STIM2: variants seen among roughly 807,000 people sequenced by gnomAD.
STIM2 encodes stromal interaction molecule 2.
A neutral mutation model predicts 85.8 loss-of-function variants in STIM2; 31 were observed. That is an observed-to-expected ratio of 0.36 (90% CI 0.27 to 0.49). The LOEUF is 0.49. Among genes scored for constraint, STIM2 ranks in the 20% least tolerant of loss-of-function variants. The pLI, the probability that STIM2 is intolerant of heterozygous loss-of-function variation, is 0.98. For synonymous variants in STIM2, 356 were observed against 331.1 expected (o/e 1.08, Z -0.82); for missense variants, 841 against 927.6 (o/e 0.91, Z 1.21).
intron 3 of STIM2, among the ~76,000 whole-genome samples, chr4:26,993,413 T>A (rs1418869907): frequency 6.6e-6 from 1 of 152,144 alleles, no homozygotes; most frequent in Admixed American, 6.6e-5. Flanking sequence ...TTTTAAATGT[T>A]TTTGGTTTTT....
chr4:26,863,353 A>G (rs1291799931), intron 1 of STIM2, among the ~76,000 whole-genome samples: 1 of 152,196 alleles, frequency 6.6e-6, no homozygotes, highest in Non-Finnish European at 1.5e-5. Flanking sequence ...GTTTCCACTT[A>G]AAGTTTAAAT....
At chr4:26,952,112 C>T (rs112836195) in intron 2 of STIM2, among the ~76,000 whole-genome samples, 30,777 of 152,008 alleles carry the variant, frequency 0.2, 3,264 homozygotes, top group East Asian at 0.41. Flanking sequence ...TATCTCCCAC[C>T]GGGTCCCTCC....
Position 27,006,851 on chromosome 4 carries a change from G to T in STIM2, c.982-682G>T, listed in dbSNP as rs190494107. Among the ~76,000 whole-genome samples the T allele has an allele frequency of 8.0e-4, 122 of 152,308 alleles. 2 individuals are homozygous for T. The highest frequency in any genetic ancestry group is 2.8e-3 in the African/African-American group (118 of 41,564). On this transcript the variant is annotated intron_variant, in intron 7 of 11. Transcript: ENST00000467087. Reference sequence around the variant, plus strand: ...TCTCAAAATCTGTACATGCTCTGCAGATGTTCACTTAGCTAGTTTCTGGTG... The same window carrying T: ...TCTCAAAATCTGTACATGCTCTGCATATGTTCACTTAGCTAGTTTCTGGTG...
intron 1 of STIM2, among the ~76,000 whole-genome samples, chr4:26,884,733 T>C (rs1480298396): frequency 1.3e-5 from 2 of 152,256 alleles, no homozygotes; most frequent in Non-Finnish European, 2.9e-5. Flanking sequence ...CAGCCATTTA[T>C]TGAGTACTTA....
intron 1 of STIM2, among the ~76,000 whole-genome samples, chr4:26,893,702 C>T (rs915426938): frequency 3.9e-5 from 6 of 152,038 alleles, no homozygotes; most frequent in Admixed American, 2.6e-4. Context: ...TTAGTAATGC[C>T]AAATTATTTG....
At chr4:26,898,956 T>A (rs1425619531) in intron 1 of STIM2, among the ~76,000 whole-genome samples, 1 of 151,990 alleles carries the variant, frequency 6.6e-6, no homozygotes, top group Non-Finnish European at 1.5e-5. Flanking sequence ...GTTTTTTTTT[T>A]AATCCCAAGT....
At chr4:26,974,120 A>G (rs573987760) in intron 3 of STIM2, among the ~76,000 whole-genome samples, 13 of 152,196 alleles carry the variant, frequency 8.5e-5, no homozygotes, top group African/African-American at 3.1e-4. Flanking sequence ...TTTTGAGCCT[A>G]TGTAAGTCTT....
intron 3 of STIM2, among the ~76,000 whole-genome samples, chr4:26,968,668 G>A (rs1726821766): frequency 6.6e-6 from 1 of 152,172 alleles, no homozygotes; most frequent in African/African-American, 2.4e-5. Context: ...AATTGGTTAG[G>A]ATGGTAAATT....
intron 1 of STIM2, among the ~76,000 whole-genome samples, chr4:26,880,622 AAT>A (rs949019233): frequency 1.4e-5 from 2 of 146,392 alleles, no homozygotes; most frequent in Non-Finnish European, 3.0e-5. Context: ...TATATATGTA[AAT>A]ATATATATAA....
intron 3 of STIM2, among the ~76,000 whole-genome samples, chr4:26,993,480 G>A (rs770227242): frequency 5.9e-5 from 9 of 152,144 alleles, no homozygotes; most frequent in Admixed American, 2.6e-4. Flanking sequence ...AAGGCAGATT[G>A]ATGGAAACCT....
At chr4:26,948,395 A>G (rs1725923920) in intron 2 of STIM2, among the ~76,000 whole-genome samples, 1 of 152,134 alleles carries the variant, frequency 6.6e-6, no homozygotes, top group Admixed American at 6.5e-5. Context: ...CTCAATTCAA[A>G]CATGCATCTC....
intron 3 of STIM2, among the ~76,000 whole-genome samples, chr4:26,981,217 C>A (rs2109113505): frequency 6.6e-6 from 1 of 152,250 alleles, no homozygotes; most frequent in East Asian, 1.9e-4. Flanking sequence ...TGAAATCTCG[C>A]TAATAAGTAC....
intron 1 of STIM2, among the ~76,000 whole-genome samples, chr4:26,864,139 ATTTTC>A (rs1213938553): frequency 1.3e-5 from 2 of 152,168 alleles, no homozygotes; most frequent in East Asian, 3.9e-4. Flanking sequence ...ACAGGTTTAT[ATTTTC>A]TTTTCCTTTT....
chr4:26,927,825 ATG>A (rs1725025570), intron 2 of STIM2, among the ~76,000 whole-genome samples: 1 of 145,754 alleles, frequency 6.9e-6, no homozygotes, highest in African/African-American at 2.5e-5. Context: ...TATTAAAAAT[ATG>A]TAATTATATA....
chr4:26,889,659 G>A (rs1723390188), intron 1 of STIM2, among the ~76,000 whole-genome samples: 1 of 152,136 alleles, frequency 6.6e-6, no homozygotes, highest in Admixed American at 6.5e-5. Context: ...GGCAGATTGG[G>A]CCTCATTAGC....
At chr4:26,964,788 A>G (rs1306794744) in intron 3 of STIM2, among the ~76,000 whole-genome samples, 1 of 152,148 alleles carries the variant, frequency 6.6e-6, no homozygotes, top group African/African-American at 2.4e-5. Context: ...TTTAACAAGT[A>G]ATTAAGGGAT....
chr4:27,018,895 C>G (rs947563857), intron 11 of STIM2, among the ~76,000 whole-genome samples: 1 of 152,210 alleles, frequency 6.6e-6, no homozygotes, highest in African/African-American at 2.4e-5. Flanking sequence ...CTGGTACTTG[C>G]TAACACATAA....
chr4:26,879,010 A>C (rs1312895621), intron 1 of STIM2, among the ~76,000 whole-genome samples: 1 of 152,190 alleles, frequency 6.6e-6, no homozygotes, highest in Non-Finnish European at 1.5e-5. Flanking sequence ...CACAGAGCCA[A>C]ACCTTATCAC....
chr4:26,887,554 T>G (rs1190234647), intron 1 of STIM2, among the ~76,000 whole-genome samples: 5 of 152,206 alleles, frequency 3.3e-5, no homozygotes, highest in Admixed American at 6.5e-5. Flanking sequence ...AGTTCTTTGT[T>G]GCATTAAACT....
Sources: gnomAD v4.1 joint callset for allele counts (sites outside exome capture counted in the v4.1 genomes callset) on GRCh38, gnomAD v4.1.1 for gene constraint, MANE v1.5 for transcripts, NCBI Gene and HGNC (gene_info 2026-07-23, HGNC 2026-07-21) for gene names.